CYBRD1: variants seen among roughly 807,000 people sequenced by gnomAD.
CYBRD1 encodes cytochrome b reductase 1.
In CYBRD1, 14 loss-of-function variants were observed where a neutral mutation model predicts 21.9. The observed-to-expected ratio is 0.64, with a 90% CI of 0.42 to 1.00. The LOEUF (loss-of-function observed/expected upper bound fraction) is 1.00, where lower values mean the gene tolerates loss of function less well. Among genes scored for constraint, CYBRD1 ranks in the 50% least tolerant of loss-of-function variants. The pLI is 0.00. For missense variants in CYBRD1, 328 were observed against 352.5 expected (o/e 0.93, Z 0.56); for synonymous variants, 146 against 136.5 (o/e 1.07, Z -0.48).
chr2:171,530,744 G>C (rs1049461648), intron 1 of CYBRD1, among the ~76,000 whole-genome samples: 2 of 152,184 alleles, frequency 1.3e-5, no homozygotes, highest in Non-Finnish European at 2.9e-5. Context: ...ACATTGGGCT[G>C]ATCAAACAAA....
Position 171,553,389 on chromosome 2 carries a change from T to C in CYBRD1, c.446T>C (p.Leu149Pro), listed in dbSNP as rs1479266670. 5 of 1,613,740 alleles carry C rather than the reference T, an allele frequency of 3.1e-6. No individual in the cohort carries two copies. Among genetic ancestry groups the C allele is most frequent in the Non-Finnish European group, 4.2e-6 (5 of 1,179,768 alleles). ...FSVFLLPWAP[L>P]SLRAFLMPIH... ...GTCTTTCTGCTTCCATGGGCTCCGC[T>C]TTCTCTCCGAGCATTTCTCATGCCC... Residue 149 changes from leucine to proline, a missense_variant, in exon 3 of 4, where the codon CTT becomes CCT. Transcript: ENST00000321348.
chr2:171,539,411 G>A (rs1426027269), intron 1 of CYBRD1, among the ~76,000 whole-genome samples: 1 of 152,174 alleles, frequency 6.6e-6, no homozygotes, highest in East Asian at 1.9e-4. Context: ...CTGGTCCCAG[G>A]AGGTCAAGGC....
chr2:171,542,901 A>T (rs568668547), intron 2 of CYBRD1, among the ~76,000 whole-genome samples: 2 of 152,066 alleles, frequency 1.3e-5, no homozygotes, highest in African/African-American at 4.8e-5. Flanking sequence ...AATAAATAAA[A>T]ATCTTTGGGG....
chr2:171,532,692 T>C (rs1396107839), intron 1 of CYBRD1, among the ~76,000 whole-genome samples: 1 of 151,810 alleles, frequency 6.6e-6, no homozygotes, highest in Non-Finnish European at 1.5e-5. Flanking sequence ...TCCCAGCTAT[T>C]TGGGAGGCTG....
intron 1 of CYBRD1, among the ~76,000 whole-genome samples, chr2:171,525,793 A>G (rs1009598341): frequency 1.2e-4 from 19 of 152,126 alleles, no homozygotes; most frequent in African/African-American, 4.6e-4. Context: ...GAGTCCTTTG[A>G]AACACCTTTA....
intron 2 of CYBRD1, among the ~76,000 whole-genome samples, chr2:171,548,790 C>CAAAAG (rs960872323): frequency 7.7e-6 from 1 of 129,282 alleles, no homozygotes; most frequent in Non-Finnish European, 1.7e-5. Context: ...AAAAAGAAAA[C>CAAAAG]AAAAGAAAAG....
Position 171,557,101 on chromosome 2 carries a change from A to T in CYBRD1, c.*2274A>T, listed in dbSNP as rs1237837253. On this transcript the variant is annotated 3_prime_UTR_variant, in exon 4 of 4. Transcript: ENST00000321348. The stretch of plus-strand genomic sequence containing the variant: ...ATGTGAGGATAATCTTACAGATATT[A>T]TAGGAATTTCTTTTCTATCTTTATG... 2 of 152,656 alleles carry T rather than the reference A, an allele frequency of 1.3e-5. No homozygotes were observed. The highest frequency in any genetic ancestry group is 4.8e-5 in the African/African-American group (2 of 41,468). The allele number at this position is 152,656 out of a possible 1,614,324, so 9.5% of individuals were successfully genotyped here. A position where few individuals can be genotyped will look rare whatever the true frequency, so the allele number is the denominator to read the frequency against.
At chr2:171,552,148 C>A (rs1442703192) in intron 2 of CYBRD1, among the ~76,000 whole-genome samples, 1 of 152,126 alleles carries the variant, frequency 6.6e-6, no homozygotes, top group East Asian at 1.9e-4. Context: ...GAAAATGGAG[C>A]CTGTTAGTTC....
chr2:171,531,071 A>G (rs549637973), intron 1 of CYBRD1, among the ~76,000 whole-genome samples: 1 of 149,308 alleles, frequency 6.7e-6, no homozygotes, highest in East Asian at 2.0e-4. Flanking sequence ...CTGGAAGATC[A>G]CTTGAGCCTG....
Position 171,522,852 on chromosome 2 carries a change from G to A in CYBRD1, c.193+114G>A. ...GAAGTGCTGGAGGATCGCGGGGCCC[G>A]GAGGAGTGCGGTGAGGAGCGCGCGG... On this transcript the variant is annotated intron_variant, in intron 1 of 3. Coordinates refer to ENST00000321348, the MANE Select transcript of CYBRD1 (RefSeq NM_024843.4). The surrounding 1 kb of genome is among the most constrained non-coding windows in gnomAD (Gnocchi z 4.3). 3 of 1,512,934 alleles carry A rather than the reference G, an allele frequency of 2.0e-6. No homozygotes were observed. Among genetic ancestry groups the A allele is most frequent in the South Asian group, 2.5e-5 (2 of 79,890 alleles). 93.7% of individuals were successfully genotyped at this position (1,512,934 alleles called of 1,614,324 possible).
chr2:171,549,122 C>T (rs568297341), intron 2 of CYBRD1, among the ~76,000 whole-genome samples: 3 of 152,282 alleles, frequency 2.0e-5, no homozygotes, highest in African/African-American at 7.2e-5. Flanking sequence ...CTCACCCTGT[C>T]GCCCAGGCTG....
intron 1 of CYBRD1, chr2:171,523,198 T>C (rs768969166): frequency 1.7e-5 from 6 of 359,088 alleles, no homozygotes; most frequent in Admixed American, 3.8e-5. Flanking sequence ...GGAAACACTT[T>C]CGCCTCAGCC....
In CYBRD1 at chr2:171,555,092, G is replaced by A. The variant is rs942310011; in HGVS notation, c.*265G>A. 4.1e-6 allele frequency: 2 copies of A among 488,092 alleles called. No homozygotes were observed. The highest frequency in any genetic ancestry group is 7.5e-6 in the Non-Finnish European group (2 of 268,284). The allele number at this position is 488,092 out of a possible 1,614,324, so 30.2% of individuals were successfully genotyped here. A position where few individuals can be genotyped will look rare whatever the true frequency, so the allele number is the denominator to read the frequency against. On this transcript the variant is annotated 3_prime_UTR_variant, in exon 4 of 4. Coordinates refer to ENST00000321348, the MANE Select transcript of CYBRD1 (RefSeq NM_024843.4). ...TTGAGGACCACAACATTAGCACGGT[G>A]CCTTGTGCAGAATAGATACTCAATA...
intron 3 of CYBRD1, 96 bp from the exon 4 acceptor site, chr2:171,554,428 C>T (rs1683444932): frequency 8.2e-7 from 1 of 1,224,098 alleles, no homozygotes; most frequent in South Asian, 1.4e-5. Flanking sequence ...TACATTGAAA[C>T]TGTACTAGTG....
rs1683507109 is a variant in CYBRD1 at position 171,557,314 on chromosome 2, A to C, written c.*2487A>C. On this transcript the variant is annotated 3_prime_UTR_variant, in exon 4 of 4. Transcript: ENST00000321348. ...AGGGGAGAAGAAAGCCTTAGGTATC[A>C]ATTCCAAAACAGTGATTGAAATTTC... 1 of 152,188 alleles carries C rather than the reference A, an allele frequency of 6.6e-6. No homozygotes were observed. The allele number at this position is 152,188 out of a possible 1,614,324, so 9.4% of individuals were successfully genotyped here. A position where few individuals can be genotyped will look rare whatever the true frequency, so the allele number is the denominator to read the frequency against.
chr2:171,533,564 C>CCA (rs2105333660), intron 1 of CYBRD1, among the ~76,000 whole-genome samples: 1 of 152,284 alleles, frequency 6.6e-6, no homozygotes, highest in South Asian at 2.1e-4. Context: ...TCTTCCCCTA[C>CCA]CACACACACT....
rs145933261 is a variant in CYBRD1, at chr2:171,552,246, A to G, written c.403-1100A>G. On this transcript the variant is annotated intron_variant, in intron 2 of 3. Transcript: ENST00000321348. Reference sequence around the variant, plus strand: ...TAAAACATCTCATACATGACTGTTGAATCCTACCAATGTTTTTCACCATCT... The same window carrying G: ...TAAAACATCTCATACATGACTGTTGGATCCTACCAATGTTTTTCACCATCT... 3.5e-3 allele frequency among the ~76,000 whole-genome samples: 529 copies of G among 152,340 alleles called. 7 individuals are homozygous for G. Among genetic ancestry groups the G allele is most frequent in the African/African-American group, 0.012 (505 of 41,578 alleles).
chr2:171,541,797 A>G lies in CYBRD1; in HGVS notation c.402+4A>G, dbSNP rs759668283. The G allele has an allele frequency of 1.0e-5, 16 of 1,604,584 alleles. No homozygotes were observed. The South Asian group carries it at 1.5e-4, about 15-fold the overall frequency. The stretch of plus-strand genomic sequence containing the variant: ...TGTCATATGCTATTTGTTACAGGTC[A>G]GTATTTCAGTGTATTTACAAGCAAG... On this transcript the variant is annotated splice_donor_region_variant and intron_variant, in intron 2 of 3. Transcript: ENST00000321348.
Position 171,522,567 on chromosome 2 carries a change from C to T in CYBRD1, c.22C>T (p.Arg8Cys), listed in dbSNP as rs774947139. ...GCTGATGGCCATGGAGGGCTACTGG[C>T]GCTTCCTGGCGCTGCTGGGGTCGGC... MAMEGYW[R>C]FLALLGSALL... is the part of the protein sequence containing the mutation. The change falls in exon 1 of 4, where the codon CGC becomes TGC. Residue 8 changes from arginine (R) to cysteine (C), a missense_variant. Arg to Cys is a radical substitution (Grantham distance 180). Transcript: ENST00000321348. This position sits in a 1 kb window ranked among gnomAD's most constrained non-coding sequence, Gnocchi z 4.3. The T allele has an allele frequency of 5.0e-6, 8 of 1,607,442 alleles. No individual in the cohort carries two copies. The South Asian group carries it at 8.9e-5, about 18-fold the overall frequency.
Sources: allele counts gnomAD v4.1 joint callset (sites outside exome capture counted in the v4.1 genomes callset), GRCh38; gene constraint gnomAD v4.1.1; non-coding constraint Gnocchi (gnomAD v3.1); transcripts MANE v1.5; gene names NCBI Gene and HGNC (gene_info 2026-07-23, HGNC 2026-07-21).